The following KCNQ5 variants were observed in gnomAD, a reference collection of about 807,000 sequenced individuals.
The protein encoded by KCNQ5 is potassium voltage-gated channel subfamily KQT member 5.
In KCNQ5, 30 loss-of-function variants were observed where a neutral mutation model predicts 98.2. The ratio of observed to expected loss-of-function variants is 0.31; its 90% CI spans 0.23 to 0.41. The LOEUF (loss-of-function observed/expected upper bound fraction) is 0.41, where lower values mean the gene tolerates loss of function less well. Among genes scored for constraint, KCNQ5 ranks in the 10% least tolerant of loss-of-function variants. KCNQ5 has a pLI of 1.00. For missense variants in KCNQ5, 835 were observed against 1,182.5 expected (o/e 0.71, Z 4.31); for synonymous variants, 458 against 449.4 (o/e 1.02, Z -0.24).
At chr6:73,154,723 G>T (rs572538843) in intron 10 of KCNQ5, among the ~76,000 whole-genome samples, 364 of 152,162 alleles carry the variant, frequency 2.4e-3, no homozygotes, top group African/African-American at 8.3e-3. Context: ...TACTATAAAA[G>T]TTACTCATTC....
intron 1 of KCNQ5, among the ~76,000 whole-genome samples, chr6:72,869,579 G>A (rs548024840): frequency 5.9e-5 from 9 of 152,100 alleles, no homozygotes; most frequent in Non-Finnish European, 8.8e-5. Flanking sequence ...GACAAGCATC[G>A]CCTTTGTAAA....
At chr6:72,691,285 G>A (rs761322583) in intron 1 of KCNQ5, among the ~76,000 whole-genome samples, 6 of 152,118 alleles carry the variant, frequency 3.9e-5, no homozygotes, top group Admixed American at 1.3e-4. Flanking sequence ...TTTAAAAACC[G>A]ATTTATAAAC....
intron 2 of KCNQ5, among the ~76,000 whole-genome samples, chr6:73,013,785 A>G (rs1770190437): frequency 6.6e-6 from 1 of 152,042 alleles, no homozygotes. Context: ...GCCAGTACCC[A>G]ATGAAGTGCT....
chr6:73,057,006 C>A (rs1772537754), intron 3 of KCNQ5, among the ~76,000 whole-genome samples: 1 of 152,114 alleles, frequency 6.6e-6, no homozygotes. Context: ...ATAAATCATG[C>A]TGCTATAAAG....
intron 11 of KCNQ5, among the ~76,000 whole-genome samples, chr6:73,178,819 G>T (rs1187235617): frequency 6.6e-6 from 1 of 152,162 alleles, no homozygotes; most frequent in Non-Finnish European, 1.5e-5. Flanking sequence ...TTTAAATACT[G>T]TAAACACAAA....
At chr6:72,975,365 T>C (rs1021880726) in intron 1 of KCNQ5, among the ~76,000 whole-genome samples, 2 of 152,124 alleles carry the variant, frequency 1.3e-5, no homozygotes, top group African/African-American at 4.8e-5. Context: ...AAGCTGACTG[T>C]GAATATATTT....
At chr6:73,098,276 A>C (rs1358608073) in intron 5 of KCNQ5, among the ~76,000 whole-genome samples, 1 of 152,130 alleles carries the variant, frequency 6.6e-6, no homozygotes. Context: ...TGCCCAAAAT[A>C]TCTATAAAAT....
chr6:72,666,632 C>A (rs972340257), intron 1 of KCNQ5, among the ~76,000 whole-genome samples: 1 of 152,006 alleles, frequency 6.6e-6, no homozygotes, highest in Non-Finnish European at 1.5e-5. Context: ...AAAATACTTA[C>A]AAAATTTACT....
At chr6:72,815,659 T>C (rs1775473103) in intron 1 of KCNQ5, among the ~76,000 whole-genome samples, 1 of 152,166 alleles carries the variant, frequency 6.6e-6, no homozygotes, top group South Asian at 2.1e-4. Context: ...AGTAGCATGA[T>C]CAGATTTAAG....
At chr6:72,870,081 G>A (rs769803736) in intron 1 of KCNQ5, among the ~76,000 whole-genome samples, 10 of 152,088 alleles carry the variant, frequency 6.6e-5, no homozygotes, top group Non-Finnish European at 1.0e-4. Flanking sequence ...AAGTGCTGGT[G>A]TTTTGATTAT....
intron 1 of KCNQ5, among the ~76,000 whole-genome samples, chr6:72,683,629 A>G (rs540306364): frequency 3.9e-5 from 6 of 152,036 alleles, no homozygotes; most frequent in Admixed American, 3.3e-4. Flanking sequence ...GGCCTCCCAA[A>G]GGGCTGGGAT....
chr6:72,646,522 A>G (rs1295420053), intron 1 of KCNQ5, among the ~76,000 whole-genome samples: 1 of 152,160 alleles, frequency 6.6e-6, no homozygotes, highest in Non-Finnish European at 1.5e-5. Context: ...GGGGGAAAAA[A>G]AAGCATATGG....
chr6:73,069,546 A>G (rs1217197474), intron 3 of KCNQ5, among the ~76,000 whole-genome samples: 1 of 152,170 alleles, frequency 6.6e-6, no homozygotes, highest in East Asian at 1.9e-4. Flanking sequence ...GCACGTCTGC[A>G]TGCAGTTGGT....
rs1279287589 is a variant in KCNQ5 at position 73,077,991 on chromosome 6, G to T, written c.918+104G>T. On this transcript the variant is annotated intron_variant, in intron 5 of 13. Coordinates refer to ENST00000370398, the MANE Select transcript of KCNQ5 (RefSeq NM_019842.4). The stretch of plus-strand genomic sequence containing the variant: ...ATGGTTTCAATAAAAATATTAAATT[G>T]CGAAAGAGAGTTATATGGAAAATAA... 6 of 929,594 alleles carry T rather than the reference G, an allele frequency of 6.5e-6. No homozygotes were observed. In the African/African-American group the frequency reaches 8.4e-5, roughly 13 times the overall value. The allele number at this position is 929,594 out of a possible 1,614,324, so 57.6% of individuals were successfully genotyped here.
chr6:72,656,601 C>G lies in KCNQ5; in HGVS notation c.398+34014C>G, dbSNP rs565152729. On this transcript the variant is annotated intron_variant, in intron 1 of 13. Coordinates refer to ENST00000370398, the MANE Select transcript of KCNQ5 (RefSeq NM_019842.4). ...ACACAAGTAACTGGAAAACAAAAAT[C>G]TTTCTCAACTGATTATTCTTAGTCT... Among the ~76,000 whole-genome samples, 10 of 152,250 alleles carry G rather than the reference C, an allele frequency of 6.6e-5. No individual in the cohort carries two copies. In the South Asian group the frequency reaches 1.7e-3, roughly 25 times the overall value.
At chr6:72,707,018 A>T (rs1270250176) in intron 1 of KCNQ5, among the ~76,000 whole-genome samples, 1 of 152,186 alleles carries the variant, frequency 6.6e-6, no homozygotes, top group African/African-American at 2.4e-5. Flanking sequence ...AGGGACAAAG[A>T]TGTTTAGCTA....
intron 1 of KCNQ5, among the ~76,000 whole-genome samples, chr6:72,830,386 A>G (rs1353340423): frequency 6.6e-6 from 1 of 152,222 alleles, no homozygotes; most frequent in Admixed American, 6.5e-5. Flanking sequence ...CAAAACAGAG[A>G]TATAGACCAA....
chr6:72,997,254 A>G (rs1011948254), intron 1 of KCNQ5, among the ~76,000 whole-genome samples: 2 of 152,088 alleles, frequency 1.3e-5, no homozygotes, highest in Non-Finnish European at 2.9e-5. Flanking sequence ...GGCATGCTCC[A>G]TGTCTGTCTA....
chr6:72,975,332 C>T (rs1768112615), intron 1 of KCNQ5, among the ~76,000 whole-genome samples: 1 of 151,996 alleles, frequency 6.6e-6, no homozygotes, highest in Non-Finnish European at 1.5e-5. Context: ...TTACCAGACC[C>T]CAGAGGAGTG....
Sources: allele counts gnomAD v4.1 joint callset (sites outside exome capture counted in the v4.1 genomes callset), GRCh38; gene constraint gnomAD v4.1.1; transcripts MANE v1.5; gene names NCBI Gene and HGNC (gene_info 2026-07-23, HGNC 2026-07-21).